The following HES7 variants were observed in gnomAD, a reference collection of about 807,000 sequenced individuals.
The protein encoded by HES7 is transcription factor HES-7.
A neutral mutation model predicts 18.0 loss-of-function variants in HES7; 8 were observed. The observed-to-expected ratio is 0.45, with a 90% CI of 0.26 to 0.80. The LOEUF is 0.80. Ranked by LOEUF, HES7 falls within the 30% of genes least tolerant of loss-of-function variation. The probability of loss-of-function intolerance (pLI) is 0.18; values close to 1 mark genes in which losing one functional copy is unlikely to be tolerated. For missense variants in HES7, 356 were observed against 340.9 expected (o/e 1.04, Z -0.35); for synonymous variants, 170 against 158.6 (o/e 1.07, Z -0.54).
At position 8,121,870 on chromosome 17, in the gene HES7, G is replaced by T. The variant is rs375056498; in HGVS notation, c.394C>A (p.Arg132Ser). The change falls in exon 4 of 4, where the codon CGC (arginine) becomes AGC (serine). Residue 132 changes from arginine to serine, a missense_variant. Coordinates refer to ENST00000541682, the MANE Select transcript of HES7 (RefSeq NM_001165967.2). ...GGCTTGGGCCGGGGCGGTTTGGGGC[G>T]CAGATAGCCGTGCAGCGCGGAGAAG... ...QLFSALHGYLRPKPPRPKPVD... is the reference protein window; with the variant it reads ...QLFSALHGYLSPKPPRPKPVD... The T allele has an allele frequency of 1.9e-6, 3 of 1,571,534 alleles. No homozygotes were observed. Among genetic ancestry groups the T allele is most frequent in the East Asian group, 2.4e-5 (1 of 41,704 alleles).
chr17:8,121,861 G>A lies in HES7; in HGVS notation c.403C>T (p.Pro135Ser), dbSNP rs1029789787. Residue 135 changes from proline to serine, a missense_variant, in exon 4 of 4, where the codon CCG becomes TCG. Transcript: ENST00000541682. Reference sequence around the variant, plus strand: ...GGATCTACCGGCTTGGGCCGGGGCGGTTTGGGGCGCAGATAGCCGTGCAGC... The same window carrying A: ...GGATCTACCGGCTTGGGCCGGGGCGATTTGGGGCGCAGATAGCCGTGCAGC... The part of the protein sequence containing the change: ...SALHGYLRPK[P>S]PRPKPVDPRP... 1.3e-6 allele frequency: 2 copies of A among 1,573,488 alleles called. No individual in the cohort carries two copies. The highest frequency in any genetic ancestry group is 1.4e-5 in the African/African-American group (1 of 71,278).
chr17:8,121,649 T>TGGC lies in HES7; in HGVS notation c.612_614dup (p.Pro208dup), dbSNP rs1299112635. 5.3e-6 allele frequency: 7 copies of TGGC among 1,313,500 alleles called. No individual in the cohort carries two copies. Among genetic ancestry groups the TGGC allele is most frequent in the South Asian group, 2.3e-5 (1 of 43,720 alleles). 81.4% of individuals were successfully genotyped at this position (1,313,500 alleles called of 1,614,324 possible). ...CCCCGTCTTGTCTGTGAGGCGGCGGTGGCGGCGGCAGCAGTCCGGTGAGGG... is the reference window on the plus strand; with the variant it reads ...CCCCGTCTTGTCTGTGAGGCGGCGGTGGCGGCGGCGGCAGCAGTCCGGTGAGGG... On this transcript the variant is annotated inframe_insertion, in exon 4 of 4. Coordinates refer to ENST00000541682, the MANE Select transcript of HES7 (RefSeq NM_001165967.2).
chr17:8,121,354 C>G lies in HES7; in HGVS notation c.*217G>C. ...GGCAGAGAGAGTACAATCCTAGACG[C>G]AAGGGAGAAGTTGGGGCAGGGAAAA... On this transcript the variant is annotated 3_prime_UTR_variant, in exon 4 of 4. Transcript: ENST00000541682. 1 of 395,644 alleles carries G rather than the reference C, an allele frequency of 2.5e-6. No individual in the cohort carries two copies. Among genetic ancestry groups the G allele is most frequent in the East Asian group, 3.6e-5 (1 of 27,520 alleles). The allele number at this position is 395,644 out of a possible 1,614,324, so 24.5% of individuals were successfully genotyped here.
In HES7 at chr17:8,122,512, G is replaced by C. The variant is rs1981411711; in HGVS notation, c.139-82C>G. 2.1e-6 allele frequency: 2 copies of C among 973,424 alleles called. No individual in the cohort carries two copies. The highest frequency in any genetic ancestry group is 3.2e-6 in the Non-Finnish European group (2 of 627,996). The allele number at this position is 973,424 out of a possible 1,614,324, so 60.3% of individuals were successfully genotyped here. The stretch of plus-strand genomic sequence containing the variant: ...GTGGCAGGGGGAAGAAGGGAGGGAC[G>C]GATGCGGGAGCTGGTGGTGCCCCCG... On this transcript the variant is annotated intron_variant, in intron 2 of 3. Coordinates refer to ENST00000541682, the MANE Select transcript of HES7 (RefSeq NM_001165967.2). The surrounding 1 kb of genome is among the most constrained non-coding windows in gnomAD (Gnocchi z 6.9).
In HES7 at chr17:8,120,986, T is replaced by C. The variant is rs963182275; in HGVS notation, c.*585A>G. ...AGTGACGAATAGAGCAATTCAAAGGTTGTGGGTTCGAATCCCACCAGAGTC... is the reference window on the plus strand; with the variant it reads ...AGTGACGAATAGAGCAATTCAAAGGCTGTGGGTTCGAATCCCACCAGAGTC... On this transcript the variant is annotated 3_prime_UTR_variant, in exon 4 of 4. Coordinates refer to ENST00000541682, the MANE Select transcript of HES7 (RefSeq NM_001165967.2). 1.3e-5 allele frequency: 2 copies of C among 152,750 alleles called. No individual in the cohort carries two copies. The highest frequency in any genetic ancestry group is 2.9e-5 in the Non-Finnish European group (2 of 68,066). The allele number at this position is 152,750 out of a possible 1,614,324, so 9.5% of individuals were successfully genotyped here.
chr17:8,122,436 G>C lies in HES7; in HGVS notation c.139-6C>G. ...AGCTTCGGGTTCCGGAGGTTCTACA[G>C]ACGGGAGGGGAGGGCGCAGAGACAG... On this transcript the variant is annotated splice_polypyrimidine_tract_variant and splice_region_variant and intron_variant, in intron 2 of 3. Coordinates refer to ENST00000541682, the MANE Select transcript of HES7 (RefSeq NM_001165967.2). This position sits in a 1 kb window ranked among gnomAD's most constrained non-coding sequence, Gnocchi z 6.9. 6.4e-7 allele frequency: 1 copy of C among 1,567,562 alleles called. No homozygotes were observed. Among genetic ancestry groups the C allele is most frequent in the Non-Finnish European group, 8.7e-7 (1 of 1,154,592 alleles).
chr17:8,121,601 C>CGGG lies in HES7; in HGVS notation c.660_662dup (p.Pro223dup). On this transcript the variant is annotated inframe_insertion, in exon 4 of 4. Transcript: ENST00000541682. ...GCCAAGGTCTCCAGAAAGCGGGCGG[C>CGGG]GGGGGCAGCGGGGCCTTGGGCGCCC... The CGGG allele has an allele frequency of 7.6e-7, 1 of 1,311,948 alleles. No homozygotes were observed. The highest frequency in any genetic ancestry group is 9.6e-7 in the Non-Finnish European group (1 of 1,037,692). The allele number at this position is 1,311,948 out of a possible 1,614,324, so 81.3% of individuals were successfully genotyped here.
rs1981368174 is a variant in HES7, at chr17:8,121,981, T to C, written c.283A>G (p.Ser95Gly). Residue 95 changes from serine (S) to glycine (G), a missense_variant, in exon 4 of 4, where the codon AGC becomes GGC. Coordinates refer to ENST00000541682, the MANE Select transcript of HES7 (RefSeq NM_001165967.2). ...TCGCGGAAACCGGACAAGTAGCAGC[T>C]GGCGAGCGCCTCGGCGTCCTGGACT... Reference protein sequence around the residue: ...SPVQDAEALASCYLSGFRECL... With the variant: ...SPVQDAEALAGCYLSGFRECL... 6.5e-7 allele frequency: 1 copy of C among 1,539,590 alleles called. No homozygotes were observed. Among genetic ancestry groups the C allele is most frequent in the Non-Finnish European group, 8.7e-7 (1 of 1,152,708 alleles).
In HES7 at chr17:8,123,170, C is replaced by T; in HGVS notation, c.43-44G>A. ...GGAGAGCGGGCCGACCAGACCGAGA[C>T]TCAGTGCGGCCGCCCCGGCGTCGGA... On this transcript the variant is annotated intron_variant, in intron 1 of 3. Transcript: ENST00000541682. This position sits in a 1 kb window ranked among gnomAD's most constrained non-coding sequence, Gnocchi z 5.9. 6.8e-7 allele frequency: 1 copy of T among 1,475,874 alleles called. No homozygotes were observed. The highest frequency in any genetic ancestry group is 9.3e-7 in the Non-Finnish European group (1 of 1,078,940). 91.4% of individuals were successfully genotyped at this position (1,475,874 alleles called of 1,614,324 possible).
upstream of HES7, chr17:8,124,152 G>T: frequency 1.9e-6 from 3 of 1,601,796 alleles, no homozygotes; most frequent in Non-Finnish European, 2.6e-6. Context: ...CGGCCCAAGG[G>T]TAGGAGGGAT....
chr17:8,124,239 G>C, upstream of HES7: 3 of 890,666 alleles, frequency 3.4e-6, no homozygotes, highest in Non-Finnish European at 5.4e-6. Context: ...GAAAGAGGAG[G>C]AGTGAAGGGG....
At position 8,121,546 on chromosome 17, in the gene HES7, C is replaced by A. The variant is rs1285468966; in HGVS notation, c.*25G>T. 2.3e-6 allele frequency: 3 copies of A among 1,298,042 alleles called. No homozygotes were observed. The highest frequency in any genetic ancestry group is 3.1e-5 in the African/African-American group (2 of 64,766). 80.4% of individuals were successfully genotyped at this position (1,298,042 alleles called of 1,614,324 possible). A position where few individuals can be genotyped will look rare whatever the true frequency, so the allele number is the denominator to read the frequency against. ...CTGGAGTCTCTACCCCACCCCTAGA[C>A]CCCGCCCCCACCACCCCCCAAGGCT... On this transcript the variant is annotated 3_prime_UTR_variant, in exon 4 of 4. Coordinates refer to ENST00000541682, the MANE Select transcript of HES7 (RefSeq NM_001165967.2).
Position 8,121,672 on chromosome 17 carries a change from G to T in HES7, c.592C>A (p.Leu198Ile). 7.5e-7 allele frequency: 1 copy of T among 1,328,030 alleles called. No homozygotes were observed. The highest frequency in any genetic ancestry group is 9.6e-7 in the Non-Finnish European group (1 of 1,045,848). 82.3% of individuals were successfully genotyped at this position (1,328,030 alleles called of 1,614,324 possible). ...GGTGGCGGCGGCAGCAGTCCGGTGAGGGGCGCCGGCGCGCCAGAATCCCCG... is the reference window on the plus strand; with the variant it reads ...GGTGGCGGCGGCAGCAGTCCGGTGATGGGCGCCGGCGCGCCAGAATCCCCG... Reference protein sequence around the residue: ...RAGDSGAPAPLTGLLPPPPPP... With the variant: ...RAGDSGAPAPITGLLPPPPPP... The change falls in exon 4 of 4, where the codon CTC becomes ATC. Residue 198 changes from leucine to isoleucine, a missense_variant. Physicochemically the swap from Leu to Ile is conservative, Grantham distance 5. Transcript: ENST00000541682.
rs577019983 is a variant in HES7, at chr17:8,121,804, G to C, written c.460C>G (p.Pro154Ala). 1.4e-4 allele frequency: 217 copies of C among 1,560,286 alleles called. No homozygotes were observed. The highest frequency in any genetic ancestry group is 1.7e-4 in the Non-Finnish European group (200 of 1,164,852). The change falls in exon 4 of 4, where the codon CCC becomes GCC. Residue 154 changes from proline (P) to alanine (A), a missense_variant. Transcript: ENST00000541682. ...RPPAPRPSLD[P>A]AAPALGPALH... The stretch of plus-strand genomic sequence containing the variant: ...GCAGGGCCAAGGGCCGGTGCGGCGG[G>C]GTCCAGGGATGGGCGCGGCGCTGGA...
Position 8,122,224 on chromosome 17 carries a change from G to A in HES7, c.226+119C>T, listed in dbSNP as rs962844509. ...CGCGGGTGTTATTAACCTCGCCTCG[G>A]AGCAGAACCGGCCACTCCCCAAGCC... On this transcript the variant is annotated intron_variant, in intron 3 of 3. Transcript: ENST00000541682. The surrounding 1 kb of genome is among the most constrained non-coding windows in gnomAD (Gnocchi z 6.9). 1.6e-5 allele frequency: 16 copies of A among 996,750 alleles called. No homozygotes were observed. The African/African-American group carries it at 2.3e-4, about 14-fold the overall frequency. 61.7% of individuals were successfully genotyped at this position (996,750 alleles called of 1,614,324 possible).
chr17:8,123,082 G>C lies in HES7; in HGVS notation c.87C>G (p.Asn29Lys). 1 of 1,607,654 alleles carries C rather than the reference G, an allele frequency of 6.2e-7. No homozygotes were observed. Among genetic ancestry groups the C allele is most frequent in the South Asian group, 1.1e-5 (1 of 89,792 alleles). ...GCAGCCTCAGCTCTTCCAGGCTGCGGTTGATGCGGTCCCGGCGCCGCTTCT... is the reference window on the plus strand; with the variant it reads ...GCAGCCTCAGCTCTTCCAGGCTGCGCTTGATGCGGTCCCGGCGCCGCTTCT... ...LVEKRRRDRINRSLEELRLLL... is the reference protein window; with the variant it reads ...LVEKRRRDRIKRSLEELRLLL... The change falls in exon 2 of 4, where the codon AAC becomes AAG. Residue 29 changes from asparagine (N) to lysine (K), a missense_variant. Coordinates refer to ENST00000541682, the MANE Select transcript of HES7 (RefSeq NM_001165967.2). This position sits in a 1 kb window ranked among gnomAD's most constrained non-coding sequence, Gnocchi z 5.9.
At position 8,121,474 on chromosome 17, in the gene HES7, C is replaced by G. The variant is rs1446631716; in HGVS notation, c.*97G>C. On this transcript the variant is annotated 3_prime_UTR_variant, in exon 4 of 4. Coordinates refer to ENST00000541682, the MANE Select transcript of HES7 (RefSeq NM_001165967.2). Reference sequence around the variant, plus strand: ...GAGCCCGCGCGCCCCACTGCCCTCCCCAACACCTGCTCGCCCGGACGCCCG... The same window carrying G: ...GAGCCCGCGCGCCCCACTGCCCTCCGCAACACCTGCTCGCCCGGACGCCCG... 5 of 1,135,700 alleles carry G rather than the reference C, an allele frequency of 4.4e-6. No individual in the cohort carries two copies. The highest frequency in any genetic ancestry group is 4.2e-5 in the Admixed American group (1 of 23,664). 70.4% of individuals were successfully genotyped at this position (1,135,700 alleles called of 1,614,324 possible). A position where few individuals can be genotyped will look rare whatever the true frequency, so the allele number is the denominator to read the frequency against.
At position 8,122,772 on chromosome 17, in the gene HES7, A is replaced by C. The variant is rs986169201; in HGVS notation, c.138+259T>G. The stretch of plus-strand genomic sequence containing the variant: ...GGGGGAGGGGGAACCGGACACTTAG[A>C]GACCCAAAGGGTGAAACTGACCGAC... On this transcript the variant is annotated intron_variant, in intron 2 of 3. Transcript: ENST00000541682. The surrounding 1 kb of genome is among the most constrained non-coding windows in gnomAD (Gnocchi z 6.9). Among the ~76,000 whole-genome samples the C allele has an allele frequency of 5.3e-5, 8 of 152,160 alleles. No individual in the cohort carries two copies. The highest frequency in any genetic ancestry group is 1.9e-4 in the African/African-American group (8 of 41,456).
upstream of HES7, among the ~76,000 whole-genome samples, chr17:8,125,893 A>G (rs1981589843): frequency 6.6e-6 from 1 of 152,210 alleles, no homozygotes; most frequent in Non-Finnish European, 1.5e-5. Context: ...ATCTTCACTT[A>G]AATATTTCTA....
Sources: allele counts gnomAD v4.1 joint callset (sites outside exome capture counted in the v4.1 genomes callset), GRCh38; gene constraint gnomAD v4.1.1; non-coding constraint Gnocchi (gnomAD v3.1); transcripts MANE v1.5; gene names NCBI Gene and HGNC (gene_info 2026-07-23, HGNC 2026-07-21).